NPHP1: variants seen among roughly 807,000 people sequenced by gnomAD.
NPHP1 encodes nephrocystin-1.
A neutral mutation model predicts 90.4 loss-of-function variants in NPHP1; 70 were observed. That is an observed-to-expected ratio of 0.77 (90% CI 0.64 to 0.95). The LOEUF is 0.95. Ranked by LOEUF, NPHP1 falls within the 40% of genes least tolerant of loss-of-function variation. NPHP1 has a pLI of 0.00. For synonymous variants in NPHP1, 256 were observed against 271.7 expected (o/e 0.94, Z 0.57); for missense variants, 764 against 795.9 (o/e 0.96, Z 0.48).
intron 11 of NPHP1, among the ~76,000 whole-genome samples, chr2:110,158,974 TAAA>T (rs1453392438): frequency 6.6e-6 from 1 of 151,986 alleles, no homozygotes; most frequent in East Asian, 1.9e-4. Context: ...GATAATTTTT[TAAA>T]AATCATAAAT....
intron 1 of NPHP1, among the ~76,000 whole-genome samples, chr2:110,203,108 C>T (rs568213212): frequency 6.6e-6 from 1 of 152,088 alleles, no homozygotes; most frequent in East Asian, 1.9e-4. Context: ...AGAATGAAAT[C>T]ATGTCCTTTG....
chr2:110,161,547 G>A, intron 10 of NPHP1, 56 bp downstream of exon 10: 1 of 1,126,064 alleles, frequency 8.9e-7, no homozygotes, highest in Non-Finnish European at 1.3e-6. Context: ...TTGTCTAATT[G>A]CAACTATGAC....
intron 2 of NPHP1, among the ~76,000 whole-genome samples, chr2:110,182,299 C>T (rs966232804): frequency 1.3e-5 from 2 of 151,810 alleles, no homozygotes; most frequent in African/African-American, 2.4e-5. Flanking sequence ...CAGTAAGGTA[C>T]TCCATGAGAA....
intron 11 of NPHP1, among the ~76,000 whole-genome samples, chr2:110,156,926 G>A (rs7424255): frequency 0.043 from 6,541 of 151,910 alleles, 453 homozygotes; most frequent in African/African-American, 0.15. Context: ...ACAGGCACAC[G>A]CCACCACGTC....
chr2:110,171,984 T>TTA (rs373207580), intron 4 of NPHP1, among the ~76,000 whole-genome samples: 73 of 152,306 alleles, frequency 4.8e-4, no homozygotes, highest in African/African-American at 1.7e-3. Context: ...GCACTATTTC[T>TTA]TTCTTAAATG....
At chr2:110,199,516 C>T (rs1294096612) in intron 2 of NPHP1, among the ~76,000 whole-genome samples, 2 of 151,204 alleles carry the variant, frequency 1.3e-5, no homozygotes, top group Non-Finnish European at 2.9e-5. Flanking sequence ...CATGGTAGCT[C>T]GTGGCGGGGG....
At chr2:110,196,893 T>G (rs1685206558) in intron 2 of NPHP1, among the ~76,000 whole-genome samples, 1 of 151,974 alleles carries the variant, frequency 6.6e-6, no homozygotes. Flanking sequence ...ACTGAGCAAA[T>G]TATCACAAGG....
chr2:110,204,945 A>T lies in NPHP1; in HGVS notation c.24T>A (p.Asp8Glu), dbSNP rs760473645. 1 of 1,613,930 alleles carries T rather than the reference A, an allele frequency of 6.2e-7. No individual in the cohort carries two copies. Among genetic ancestry groups the T allele is most frequent in the Admixed American group, 1.7e-5 (1 of 60,022 alleles). The stretch of plus-strand genomic sequence containing the variant: ...TGCGGCGCCGCAGGGCCTGGAGAGG[A>T]TCTCGCTGTCGTCTCGCCAGCATCT... MLARRQR[D>E]PLQALRRRNQ... Residue 8 changes from aspartate to glutamate, a missense_variant, in exon 1 of 20, where the codon GAT becomes GAA. Transcript: ENST00000445609.
At chr2:110,164,585 C>G in intron 8 of NPHP1, 103 bp downstream of exon 8, 8 of 1,606,884 alleles carry the variant, frequency 5.0e-6, no homozygotes, top group Non-Finnish European at 6.8e-6. Flanking sequence ...GCCCTGAACC[C>G]TGTTTCAGAT....
intron 8 of NPHP1, chr2:110,163,457 G>A: frequency 2.9e-6 from 1 of 345,956 alleles, no homozygotes; most frequent in Non-Finnish European, 5.5e-6. Flanking sequence ...GTAAGTTAAT[G>A]TCTATTGGCA....
chr2:110,135,931 G>A (rs1043250630), intron 16 of NPHP1, among the ~76,000 whole-genome samples: 15 of 152,202 alleles, frequency 9.9e-5, no homozygotes, highest in Middle Eastern at 6.8e-3. Flanking sequence ...TGGATTCCAC[G>A]AGTAATTAAG....
chr2:110,186,446 G>C (rs2104647186), intron 2 of NPHP1, among the ~76,000 whole-genome samples: 1 of 152,220 alleles, frequency 6.6e-6, no homozygotes, highest in African/African-American at 2.4e-5. Flanking sequence ...GGACCTGCTT[G>C]GTTAAGGAGG....
chr2:110,130,733 C>T (rs1436609059), intron 17 of NPHP1, among the ~76,000 whole-genome samples: 1 of 152,156 alleles, frequency 6.6e-6, no homozygotes, highest in South Asian at 2.1e-4. Context: ...GACATGCTGG[C>T]CCCTCTACCC....
Position 110,176,024 on chromosome 2 carries a change from T to C in NPHP1, c.329+2399A>G, listed in dbSNP as rs556742605. On this transcript the variant is annotated intron_variant, in intron 4 of 19. Transcript: ENST00000445609. ...TTTTATTTCACATATTGTATTTTTT[T>C]AGTTCCAGAATTTTCATTTTGGTCT... Among the ~76,000 whole-genome samples, 24 of 143,936 alleles carry C rather than the reference T, an allele frequency of 1.7e-4. 1 individual carries two copies. Among genetic ancestry groups the C allele is most frequent in the Non-Finnish European group, 2.9e-4 (19 of 64,720 alleles). 94.4% of individuals were successfully genotyped at this position (143,936 alleles called of 152,430 possible).
chr2:110,135,665 T>G (rs1030345944), intron 16 of NPHP1, among the ~76,000 whole-genome samples: 1 of 152,004 alleles, frequency 6.6e-6, no homozygotes. Context: ...TCATTAAGCA[T>G]GAGGAAGGAC....
At chr2:110,180,035 A>C (rs1472009418) in intron 2 of NPHP1, among the ~76,000 whole-genome samples, 1 of 152,312 alleles carries the variant, frequency 6.6e-6, no homozygotes, top group South Asian at 2.1e-4. Context: ...AATAGTACCT[A>C]AAGTTTACTG....
chr2:110,184,175 C>CCACAAATA, intron 2 of NPHP1: 1 of 560,964 alleles, frequency 1.8e-6, no homozygotes, highest in Non-Finnish European at 3.5e-6. Flanking sequence ...AGTATGTGGG[C>CCACAAATA]CTACCCATGC....
intron 9 of NPHP1, among the ~76,000 whole-genome samples, chr2:110,162,336 A>G (rs1006779076): frequency 5.3e-5 from 8 of 152,150 alleles, no homozygotes; most frequent in Non-Finnish European, 1.2e-4. Context: ...AATGGGAGTA[A>G]GGGAAACCCA....
At chr2:110,183,894 A>C (rs1189156603) in intron 2 of NPHP1, among the ~76,000 whole-genome samples, 1 of 152,174 alleles carries the variant, frequency 6.6e-6, no homozygotes, top group Admixed American at 6.5e-5. Context: ...AAATTGATCA[A>C]GTAATCGGAA....
Sources: gnomAD v4.1 joint callset for allele counts (sites outside exome capture counted in the v4.1 genomes callset) on GRCh38, gnomAD v4.1.1 for gene constraint, MANE v1.5 for transcripts, NCBI Gene and HGNC (gene_info 2026-07-23, HGNC 2026-07-21) for gene names.